The following UBE2D3 variants were observed in gnomAD, a reference collection of about 807,000 sequenced individuals.
The protein encoded by UBE2D3 is ubiquitin conjugating enzyme E2 D3, also known as ubiquitin-conjugating enzyme E2 D3.
A neutral mutation model predicts 22.8 loss-of-function variants in UBE2D3; 2 were observed. That is an observed-to-expected ratio of 0.09 (90% CI 0.04 to 0.28). The LOEUF is 0.28. Ranked by LOEUF, UBE2D3 falls within the 10% of genes least tolerant of loss-of-function variation. UBE2D3 has a pLI of 1.00. For synonymous variants in UBE2D3, 56 were observed against 60.4 expected (o/e 0.93, Z 0.34); for missense variants, 27 against 182.5 (o/e 0.15, Z 4.91).
At chr4:102,826,921 C>G in intron 1 of UBE2D3, 4 of 1,015,680 alleles carry the variant, frequency 3.9e-6, no homozygotes, top group Non-Finnish European at 4.7e-6. Flanking sequence ...GTCCGGAGCC[C>G]AGCAGAGGAG....
intron 2 of UBE2D3, chr4:102,812,066 G>A (rs1384542032): frequency 5.4e-6 from 1 of 183,952 alleles, no homozygotes; most frequent in South Asian, 8.1e-5. Flanking sequence ...CAAAATCAAG[G>A]ACACAAAATG....
At chr4:102,857,265 G>A (rs1178313620) in intron 1 of UBE2D3, among the ~76,000 whole-genome samples, 1 of 152,154 alleles carries the variant, frequency 6.6e-6, no homozygotes, top group African/African-American at 2.4e-5. Context: ...GCTTTGTATA[G>A]AATATTTTAA....
chr4:102,795,404 G>C lies in UBE2D3; in HGVS notation c.*2011C>G, dbSNP rs1182188365. On this transcript the variant is annotated 3_prime_UTR_variant, in exon 8 of 8. Transcript: ENST00000453744. ...TCTCAGAAGTAATTTTGAAAATAGA[G>C]CCAAAGAGCAGTTTTTCTTACCTTG... is the stretch of plus-strand genomic sequence containing the variant. 6.6e-6 allele frequency: 1 copy of C among 152,002 alleles called. No homozygotes were observed. Among genetic ancestry groups the C allele is most frequent in the Non-Finnish European group, 1.5e-5 (1 of 67,922 alleles). The allele number at this position is 152,002 out of a possible 1,614,324, so 9.4% of individuals were successfully genotyped here.
chr4:102,852,269 A>G (rs1305961932), intron 1 of UBE2D3, among the ~76,000 whole-genome samples: 2 of 152,210 alleles, frequency 1.3e-5, no homozygotes, highest in Non-Finnish European at 2.9e-5. Flanking sequence ...TAATATCCAG[A>G]GCTGCTCTAT....
At chr4:102,831,067 A>G (rs1731091250), upstream of UBE2D3, among the ~76,000 whole-genome samples, 1 of 152,224 alleles carries the variant, frequency 6.6e-6, no homozygotes, top group Non-Finnish European at 1.5e-5. Flanking sequence ...GTTTTCATGT[A>G]TCTTTAATTT....
intron 1 of UBE2D3, among the ~76,000 whole-genome samples, chr4:102,842,273 G>T (rs535756587): frequency 1.3e-5 from 2 of 151,858 alleles, no homozygotes; most frequent in African/African-American, 4.8e-5. Context: ...CCTCTTTGCT[G>T]GGTGAGGTGC....
At chr4:102,826,952 C>A (rs1730614526) in intron 1 of UBE2D3, 1 of 1,004,984 alleles carries the variant, frequency 1.0e-6, no homozygotes, top group Non-Finnish European at 1.2e-6. Context: ...CTAGTCGGCG[C>A]TATACCGGCG....
chr4:102,813,766 T>A (rs1365146883), intron 2 of UBE2D3, among the ~76,000 whole-genome samples: 1 of 152,130 alleles, frequency 6.6e-6, no homozygotes, highest in East Asian at 1.9e-4. Context: ...AAATAAAGAA[T>A]GTGAAGAAAG....
intron 2 of UBE2D3, among the ~76,000 whole-genome samples, chr4:102,822,822 G>C (rs891983163): frequency 6.6e-6 from 1 of 152,140 alleles, no homozygotes; most frequent in Admixed American, 6.5e-5. Context: ...TGTAGTCCCA[G>C]CTACTCAGGA....
chr4:102,817,440 A>G (rs1365684805), intron 2 of UBE2D3, among the ~76,000 whole-genome samples: 3 of 152,188 alleles, frequency 2.0e-5, no homozygotes, highest in Non-Finnish European at 4.4e-5. Context: ...GAGTCCCTTA[A>G]GAGAGGGGAA....
At chr4:102,827,296 T>C in intron 1 of UBE2D3, 131 bp downstream of exon 1, 1 of 946,802 alleles carries the variant, frequency 1.1e-6, no homozygotes, top group Non-Finnish European at 1.3e-6. Flanking sequence ...TTCCCCAACC[T>C]TCCCACCCTA....
intron 2 of UBE2D3, among the ~76,000 whole-genome samples, chr4:102,824,722 C>G (rs1160051733): frequency 6.6e-6 from 1 of 152,168 alleles, no homozygotes; most frequent in African/African-American, 2.4e-5. Flanking sequence ...TCCACATGCA[C>G]AAAAAGCTAT....
intron 1 of UBE2D3, chr4:102,827,085 A>G: frequency 1.0e-6 from 1 of 988,586 alleles, no homozygotes; most frequent in Non-Finnish European, 1.2e-6. Flanking sequence ...AGGAAGGGAG[A>G]CTTGATGTGT....
intron 1 of UBE2D3, among the ~76,000 whole-genome samples, chr4:102,848,998 C>A (rs924639007): frequency 6.7e-6 from 1 of 150,010 alleles, no homozygotes; most frequent in African/African-American, 2.5e-5. Flanking sequence ...ACTTAAGGGT[C>A]CATTTCCTGT....
Position 102,821,292 on chromosome 4 carries a change from T to C in UBE2D3, c.24+5193A>G, listed in dbSNP as rs1050737106. Reference sequence around the variant, plus strand: ...TAATACTAGTACAAAAAATACAGTATAGAAAATTTATTTTAAATACCTCCC... The same window carrying C: ...TAATACTAGTACAAAAAATACAGTACAGAAAATTTATTTTAAATACCTCCC... On this transcript the variant is annotated intron_variant, in intron 2 of 7. Transcript: ENST00000453744. Among the ~76,000 whole-genome samples the C allele has an allele frequency of 3.9e-5, 6 of 152,272 alleles. No individual in the cohort carries two copies. The East Asian group carries it at 5.8e-4, about 15-fold the overall frequency.
At position 102,796,218 on chromosome 4, in the gene UBE2D3, G is replaced by A. The variant is rs1725259417; in HGVS notation, c.*1197C>T. ...TTTTTTTCAGCTGTCAAGTGTACAA[G>A]GTGAAGAGAAATTTCAGTTAGACAG... On this transcript the variant is annotated 3_prime_UTR_variant, in exon 8 of 8. Transcript: ENST00000453744. 6.6e-6 allele frequency: 1 copy of A among 152,080 alleles called. No individual in the cohort carries two copies. Among genetic ancestry groups the A allele is most frequent in the Non-Finnish European group, 1.5e-5 (1 of 67,818 alleles). The allele number at this position is 152,080 out of a possible 1,614,324, so 9.4% of individuals were successfully genotyped here.
chr4:102,810,662 C>T (rs1193314996), intron 2 of UBE2D3: 1 of 152,108 alleles, frequency 6.6e-6, no homozygotes, highest in African/African-American at 2.4e-5. Context: ...AGTAGAAAGA[C>T]GTTTGCTCTT....
At chr4:102,823,664 C>T (rs1729985098) in intron 2 of UBE2D3, among the ~76,000 whole-genome samples, 1 of 152,264 alleles carries the variant, frequency 6.6e-6, no homozygotes, top group East Asian at 1.9e-4. Flanking sequence ...ACTTGGAGTG[C>T]CACTTTTAAC....
chr4:102,825,819 G>T, intron 2 of UBE2D3: 1 of 454,796 alleles, frequency 2.2e-6, no homozygotes, highest in East Asian at 7.0e-5. Flanking sequence ...ATCAGTTCCC[G>T]GTGTCCCTCG....
Sources: gnomAD v4.1 joint callset for allele counts (sites outside exome capture counted in the v4.1 genomes callset) on GRCh38, gnomAD v4.1.1 for gene constraint, MANE v1.5 for transcripts, NCBI Gene and HGNC (gene_info 2026-07-23, HGNC 2026-07-21) for gene names.